The following CTCF variants were observed in gnomAD, a reference collection of about 807,000 sequenced individuals.
CTCF encodes the protein transcriptional repressor CTCF.
In CTCF, 7 loss-of-function variants were observed where a neutral mutation model predicts 72.3. That is an observed-to-expected ratio of 0.10 (90% CI 0.06 to 0.18). The LOEUF is 0.18. Among genes scored for constraint, CTCF ranks in the 10% least tolerant of loss-of-function variants. The probability of loss-of-function intolerance (pLI) is 1.00; values close to 1 mark genes in which losing one functional copy is unlikely to be tolerated. For synonymous variants in CTCF, 374 were observed against 315.8 expected, an observed-to-expected ratio of 1.18 and a Z score of -1.95; for missense variants, 516 against 949.1, an observed-to-expected ratio of 0.54 and a Z score of 6.00.
chr16:67,565,354 G>A (rs1037439207), intron 1 of CTCF, among the ~76,000 whole-genome samples: 1 of 150,478 alleles, frequency 6.6e-6, no homozygotes, highest in Non-Finnish European at 1.5e-5. Flanking sequence ...AGGAATGTTT[G>A]CCTGCATAAG....
intron 2 of CTCF, among the ~76,000 whole-genome samples, chr16:67,603,844 A>T (rs1206289320): frequency 1.3e-5 from 2 of 149,134 alleles, no homozygotes; most frequent in African/African-American, 5.0e-5. Flanking sequence ...AAAAAAAATT[A>T]GAGGCCAGGC....
chr16:67,586,263 G>A (rs1002870801), intron 2 of CTCF, among the ~76,000 whole-genome samples: 4 of 152,030 alleles, frequency 2.6e-5, no homozygotes, highest in African/African-American at 7.2e-5. Context: ...TAGGCCAGGC[G>A]TGGTGGCTCA....
intron 2 of CTCF, among the ~76,000 whole-genome samples, chr16:67,576,162 AC>A (rs201970190): frequency 2.3e-4 from 34 of 150,574 alleles, no homozygotes; most frequent in East Asian, 3.9e-4. Flanking sequence ...AAAAAAAAAA[AC>A]GGAAGGCTGT....
At chr16:67,633,974 G>T (rs1422751152) in intron 10 of CTCF, among the ~76,000 whole-genome samples, 1 of 152,032 alleles carries the variant, frequency 6.6e-6, no homozygotes, top group Non-Finnish European at 1.5e-5. Flanking sequence ...TCAAAAAAGG[G>T]TCTAAAGCTA....
At chr16:67,610,304 A>G (rs868204000) in intron 2 of CTCF, among the ~76,000 whole-genome samples, 12 of 145,734 alleles carry the variant, frequency 8.2e-5, no homozygotes, top group Non-Finnish European at 1.8e-4. Context: ...AGAGTTTTGG[A>G]GTTTGTTTGA....
At chr16:67,569,790 A>T (rs748592246) in intron 1 of CTCF, among the ~76,000 whole-genome samples, 4 of 150,756 alleles carry the variant, frequency 2.7e-5, no homozygotes, top group Non-Finnish European at 5.9e-5. Flanking sequence ...GGTTCAGGCG[A>T]TTCTCCTGCC....
At chr16:67,627,055 C>T in intron 8 of CTCF, 1 of 187,924 alleles carries the variant, frequency 5.3e-6, no homozygotes, top group Non-Finnish European at 1.1e-5. Context: ...ATAAGCAGCT[C>T]TATCTGTGCT....
chr16:67,621,694 T>A (rs1186283934), intron 7 of CTCF, 103 bp downstream of exon 7: 5 of 853,068 alleles, frequency 5.9e-6, no homozygotes, highest in South Asian at 5.7e-5. Flanking sequence ...CTCATAACAT[T>A]TTATGTATAG....
intron 2 of CTCF, among the ~76,000 whole-genome samples, chr16:67,586,662 AAGT>A (rs759541212): frequency 2.0e-5 from 3 of 152,134 alleles, no homozygotes; most frequent in African/African-American, 4.8e-5. Context: ...AAAAAAAACA[AAGT>A]AACATTTTGT....
chr16:67,584,776 A>G (rs1567596772), intron 2 of CTCF, among the ~76,000 whole-genome samples: 1 of 152,216 alleles, frequency 6.6e-6, no homozygotes, highest in Non-Finnish European at 1.5e-5. Flanking sequence ...TTTTACAGAT[A>G]AGAAAACTAA....
intron 2 of CTCF, among the ~76,000 whole-genome samples, chr16:67,584,337 C>CTTCTTTTTTTTTTT (rs1462998203): frequency 3.5e-4 from 37 of 105,840 alleles, no homozygotes; most frequent in African/African-American, 4.7e-4. Context: ...AAAAAGTCTT[C>CTTCTTTTTTTTTTT]TTTTTTTTTT....
At position 67,634,228 on chromosome 16, in the gene CTCF, G is replaced by A. The variant is rs538857376; in HGVS notation, c.1838-2462G>A. ...TGTTGTTATTTGTTTGTTTTTCCCA[G>A]ACAAAGTCTTACTCTGTCACCCAGG... On this transcript the variant is annotated intron_variant, in intron 10 of 11. Coordinates refer to ENST00000264010, the MANE Select transcript of CTCF (RefSeq NM_006565.4). Among the ~76,000 whole-genome samples the A allele has an allele frequency of 3.4e-3, 523 of 152,106 alleles. 4 individuals carry two copies. Among genetic ancestry groups the A allele is most frequent in the African/African-American group, 0.011 (476 of 41,490 alleles).
At chr16:67,566,015 C>T (rs2051338643) in intron 1 of CTCF, among the ~76,000 whole-genome samples, 1 of 152,216 alleles carries the variant, frequency 6.6e-6, no homozygotes, top group Non-Finnish European at 1.5e-5. Flanking sequence ...CATTCCACAT[C>T]ATCTACGTTA....
At chr16:67,582,842 T>G (rs560640360) in intron 2 of CTCF, among the ~76,000 whole-genome samples, 1 of 152,280 alleles carries the variant, frequency 6.6e-6, no homozygotes, top group Non-Finnish European at 1.5e-5. Context: ...GCTGGTTTAA[T>G]GACTTACAGA....
At chr16:67,575,419 A>G (rs963384299) in intron 2 of CTCF, among the ~76,000 whole-genome samples, 1 of 152,058 alleles carries the variant, frequency 6.6e-6, no homozygotes, top group African/African-American at 2.4e-5. Flanking sequence ...GGGCAGTTCT[A>G]TTAGAGGTGA....
chr16:67,622,953 C>T lies in CTCF; in HGVS notation c.1357+1362C>T, dbSNP rs183643060. On this transcript the variant is annotated intron_variant, in intron 7 of 11. Transcript: ENST00000264010. ...CTGGGATTACAGACATGAGCCACCG[C>T]GCCCAGCCCTCACTTGCTTTTTTTT... Among the ~76,000 whole-genome samples the T allele has an allele frequency of 4.3e-4, 65 of 150,134 alleles. No homozygotes were observed. The East Asian group carries it at 0.011, about 25-fold the overall frequency.
At position 67,638,413 on chromosome 16, in the gene CTCF, T is replaced by C. The variant is rs755292277; in HGVS notation, c.*541T>C. On this transcript the variant is annotated 3_prime_UTR_variant, in exon 12 of 12. Transcript: ENST00000264010. Reference sequence around the variant, plus strand: ...CTCTTTCTTGGCAAAGTTTCTGGTATGGTCAAGCTTGTAAATAACTTTTTT... The same window carrying C: ...CTCTTTCTTGGCAAAGTTTCTGGTACGGTCAAGCTTGTAAATAACTTTTTT... 5 of 225,374 alleles carry C rather than the reference T, an allele frequency of 2.2e-5. No individual in the cohort carries two copies. Among genetic ancestry groups the C allele is most frequent in the Non-Finnish European group, 4.4e-5 (5 of 113,174 alleles). The allele number at this position is 225,374 out of a possible 1,614,324, so 14.0% of individuals were successfully genotyped here.
chr16:67,577,793 T>G (rs969876381), intron 2 of CTCF, among the ~76,000 whole-genome samples: 2 of 152,104 alleles, frequency 1.3e-5, no homozygotes, highest in Non-Finnish European at 2.9e-5. Flanking sequence ...GGAACAGTTA[T>G]AGAAGTGCAG....
chr16:67,565,294 G>A (rs939545750), intron 1 of CTCF, among the ~76,000 whole-genome samples: 3 of 151,926 alleles, frequency 2.0e-5, no homozygotes, highest in South Asian at 4.2e-4. Flanking sequence ...GAGCCATCTC[G>A]CCAGGCCAGG....
Sources: gnomAD v4.1 joint callset for allele counts (sites outside exome capture counted in the v4.1 genomes callset) on GRCh38, gnomAD v4.1.1 for gene constraint, MANE v1.5 for transcripts, NCBI Gene and HGNC (gene_info 2026-07-23, HGNC 2026-07-21) for gene names.